ESRRG: variants seen among roughly 807,000 people sequenced by gnomAD.
ESRRG encodes estrogen-related receptor gamma.
ESRRG carries 13 observed loss-of-function variants against 44.0 expected under a neutral mutation model. The ratio of observed to expected loss-of-function variants is 0.30; its 90% CI spans 0.19 to 0.47. The LOEUF (loss-of-function observed/expected upper bound fraction) is 0.47, where lower values mean the gene tolerates loss of function less well. ESRRG is among the 20% of genes least tolerant of loss of function. The pLI is 1.00. For synonymous variants in ESRRG, 215 were observed against 214.6 expected (o/e 1.00, Z -0.02); for missense variants, 395 against 580.6 (o/e 0.68, Z 3.29).
chr1:216,762,561 G>C (rs182540381), intron 2 of ESRRG, among the ~76,000 whole-genome samples: 2 of 137,046 alleles, frequency 1.5e-5, no homozygotes, highest in African/African-American at 2.7e-5. Context: ...GTTGTGGGGT[G>C]GGGGGAGTGG....
At position 216,764,460 on chromosome 1, in the gene ESRRG, G is replaced by A. The variant is rs181325619; in HGVS notation, c.-13-86969C>T. 2.4e-3 allele frequency among the ~76,000 whole-genome samples: 370 copies of A among 151,926 alleles called. 1 individual carries two copies. The highest frequency in any genetic ancestry group is 8.7e-3 in the African/African-American group (359 of 41,486). ...ATTTTTGTATTTTTAGTAGAGATGG[G>A]GTTTCACCATGTTGGCCAGGCTGGT... is the stretch of plus-strand genomic sequence containing the variant. On this transcript the variant is annotated intron_variant, in intron 2 of 7. Coordinates refer to the ESRRG transcript ENST00000359162.
intron 1 of ESRRG, among the ~76,000 whole-genome samples, chr1:217,016,296 T>G (rs575351813): frequency 6.6e-6 from 1 of 152,102 alleles, no homozygotes; most frequent in Non-Finnish European, 1.5e-5. Flanking sequence ...TTTTTAAGAT[T>G]GTATAATGGA....
chr1:216,709,341 G>GTATATATATATATA (rs1483599909), intron 1 of ESRRG, among the ~76,000 whole-genome samples: 1 of 42,770 alleles, frequency 2.3e-5, no homozygotes, highest in Admixed American at 3.2e-4. Context: ...GTGTGTGTGT[G>GTATATATATATATA]TGTATATATA....
At chr1:216,648,695 T>C (rs983650100) in intron 3 of ESRRG, among the ~76,000 whole-genome samples, 1 of 152,204 alleles carries the variant, frequency 6.6e-6, no homozygotes, top group Admixed American at 6.5e-5. Context: ...ATTCCTAAAA[T>C]TGGAGAAGTG....
At chr1:216,750,236 C>A (rs912712925) in intron 2 of ESRRG, among the ~76,000 whole-genome samples, 1 of 152,162 alleles carries the variant, frequency 6.6e-6, no homozygotes, top group African/African-American at 2.4e-5. Context: ...TGCTTCTAAT[C>A]TGGCAGACAT....
chr1:217,039,053 AAG>A (rs113935293), intron 1 of ESRRG, among the ~76,000 whole-genome samples: 3,637 of 152,286 alleles, frequency 0.024, 127 homozygotes, highest in African/African-American at 0.08. Context: ...AAAACAGAAA[AAG>A]AGTCACGTTT....
intron 1 of ESRRG, among the ~76,000 whole-genome samples, chr1:216,996,341 G>T (rs768285814): frequency 1.3e-5 from 2 of 151,950 alleles, no homozygotes; most frequent in Non-Finnish European, 2.9e-5. Context: ...AGTACTAAAG[G>T]AAAACAAGGA....
At chr1:216,895,190 A>G (rs184665751) in intron 2 of ESRRG, among the ~76,000 whole-genome samples, 1 of 152,212 alleles carries the variant, frequency 6.6e-6, no homozygotes, top group Middle Eastern at 3.2e-3. Context: ...TAATAAGTGC[A>G]CTGTGAATGA....
intron 2 of ESRRG, among the ~76,000 whole-genome samples, chr1:216,887,656 G>A (rs149656840): frequency 0.013 from 1,934 of 152,108 alleles, 45 homozygotes; most frequent in African/African-American, 0.045. Context: ...ATTCATAAAT[G>A]CTTTAGAATT....
chr1:217,083,986 T>C (rs572611294), intron 1 of ESRRG, among the ~76,000 whole-genome samples: 3 of 152,314 alleles, frequency 2.0e-5, no homozygotes, highest in African/African-American at 4.8e-5. Flanking sequence ...GAGCAGAAGA[T>C]ATATTCCAAA....
chr1:216,999,286 G>A (rs2076731124), intron 1 of ESRRG, among the ~76,000 whole-genome samples: 1 of 152,112 alleles, frequency 6.6e-6, no homozygotes, highest in Admixed American at 6.5e-5. Flanking sequence ...TGGCAGCACA[G>A]TCTAGGTGTA....
intron 1 of ESRRG, among the ~76,000 whole-genome samples, chr1:216,715,466 A>G (rs1163984743): frequency 6.6e-6 from 1 of 152,154 alleles, no homozygotes; most frequent in Non-Finnish European, 1.5e-5. Context: ...AATTATCAGA[A>G]TATTCTTTTA....
intron 2 of ESRRG, among the ~76,000 whole-genome samples, chr1:216,876,573 C>T (rs1030850): frequency 0.27 from 39,952 of 150,714 alleles, 7,558 homozygotes; most frequent in African/African-American, 0.54. Context: ...TTTGTTTTTT[C>T]AAATGATAAT....
intron 1 of ESRRG, among the ~76,000 whole-genome samples, chr1:217,063,598 G>A (rs900427009): frequency 6.6e-6 from 1 of 152,124 alleles, no homozygotes; most frequent in African/African-American, 2.4e-5. Context: ...GACTCCACCT[G>A]GGTAGGAAGA....
chr1:217,045,540 C>T lies in ESRRG; in HGVS notation c.-106+43967G>A, dbSNP rs182258774. Among the ~76,000 whole-genome samples, 7 of 152,300 alleles carry T rather than the reference C, an allele frequency of 4.6e-5. 1 individual carries two copies. In the East Asian group the frequency reaches 9.7e-4, roughly 21 times the overall value. On this transcript the variant is annotated intron_variant, in intron 1 of 7. Transcript: ENST00000359162. ...CCCAAAGGAAAATGATGAGAAGTCTCGAGCTTTCCCTGATCTCCTGAGATG... is the reference window on the plus strand; with the variant it reads ...CCCAAAGGAAAATGATGAGAAGTCTTGAGCTTTCCCTGATCTCCTGAGATG...
At chr1:216,842,723 C>T (rs7553727) in intron 2 of ESRRG, among the ~76,000 whole-genome samples, 5,114 of 152,210 alleles carry the variant, frequency 0.034, 300 homozygotes, top group African/African-American at 0.11. Context: ...TCTTTATCTA[C>T]CCATTGGCAG....
intron 1 of ESRRG, among the ~76,000 whole-genome samples, chr1:217,116,367 G>A (rs1033394351): frequency 1.3e-5 from 2 of 152,170 alleles, no homozygotes; most frequent in African/African-American, 4.8e-5. Flanking sequence ...TGAGTTTCCT[G>A]ATGTGTTTTA....
chr1:217,022,129 A>G (rs2080418549), intron 1 of ESRRG, among the ~76,000 whole-genome samples: 1 of 152,228 alleles, frequency 6.6e-6, no homozygotes, highest in African/African-American at 2.4e-5. Context: ...GGAAAAAATA[A>G]GGCCATGAAA....
intron 2 of ESRRG, among the ~76,000 whole-genome samples, chr1:216,797,207 C>T (rs542701877): frequency 8.5e-5 from 13 of 152,118 alleles, no homozygotes; most frequent in East Asian, 5.8e-4. Context: ...GTTAACATCT[C>T]GCATTAGGAT....
Sources: allele counts gnomAD v4.1 joint callset (sites outside exome capture counted in the v4.1 genomes callset), GRCh38; gene constraint gnomAD v4.1.1; transcripts MANE v1.5; gene names NCBI Gene and HGNC (gene_info 2026-07-23, HGNC 2026-07-21).